SH3RF3: variants seen among roughly 807,000 people sequenced by gnomAD.
The protein encoded by SH3RF3 is SH3 domain containing ring finger 3.
In SH3RF3, 29 loss-of-function variants were observed where a neutral mutation model predicts 66.3. The ratio of observed to expected loss-of-function variants is 0.44; its 90% CI spans 0.33 to 0.60. The LOEUF (loss-of-function observed/expected upper bound fraction) is 0.60. Ranked by LOEUF, SH3RF3 falls within the 20% of genes least tolerant of loss-of-function variation. The probability of loss-of-function intolerance (pLI) is 0.04; values close to 1 mark genes in which losing one functional copy is unlikely to be tolerated. For synonymous variants in SH3RF3, 583 were observed against 532.0 expected (o/e 1.10, Z -1.32); for missense variants, 1,194 against 1,190.9 (o/e 1.00, Z -0.04).
intron 1 of SH3RF3, among the ~76,000 whole-genome samples, chr2:109,139,850 A>G (rs1240183105): frequency 6.6e-6 from 1 of 152,224 alleles, no homozygotes; most frequent in Non-Finnish European, 1.5e-5. Flanking sequence ...ATTGCTTGGC[A>G]GTTTGACATC....
intron 1 of SH3RF3, among the ~76,000 whole-genome samples, chr2:109,183,666 G>A (rs1426671990): frequency 6.6e-6 from 1 of 152,190 alleles, no homozygotes; most frequent in Non-Finnish European, 1.5e-5. Context: ...TTCTGAAAAT[G>A]TACAGTTCAT....
At chr2:109,358,129 C>G (rs6744875) in intron 2 of SH3RF3, among the ~76,000 whole-genome samples, 3 of 152,140 alleles carry the variant, frequency 2.0e-5, no homozygotes, top group Non-Finnish European at 4.4e-5. Context: ...GAACGTCATA[C>G]GGTTGAAATC....
chr2:109,244,598 A>G (rs1219539735), intron 1 of SH3RF3, among the ~76,000 whole-genome samples: 1 of 152,236 alleles, frequency 6.6e-6, no homozygotes, highest in Non-Finnish European at 1.5e-5. Context: ...ATAAGCTGGC[A>G]GGATGAGGAA....
chr2:109,196,272 C>T (rs900336219), intron 1 of SH3RF3, among the ~76,000 whole-genome samples: 12 of 152,326 alleles, frequency 7.9e-5, no homozygotes, highest in African/African-American at 2.6e-4. Flanking sequence ...CTCTCCTGGG[C>T]CCCTGGGCTG....
intron 1 of SH3RF3, among the ~76,000 whole-genome samples, chr2:109,249,179 G>C (rs1324620588): frequency 1.3e-5 from 2 of 151,980 alleles, no homozygotes; most frequent in Non-Finnish European, 1.5e-5. Flanking sequence ...ACCACACCTG[G>C]CCAAGAACTA....
chr2:109,366,150 A>G (rs187823247), intron 2 of SH3RF3, among the ~76,000 whole-genome samples: 2 of 152,346 alleles, frequency 1.3e-5, no homozygotes, highest in Non-Finnish European at 2.9e-5. Context: ...TTTGGCATAT[A>G]TATTTTCAAA....
intron 1 of SH3RF3, among the ~76,000 whole-genome samples, chr2:109,148,460 C>T (rs1343599179): frequency 2.0e-5 from 3 of 152,136 alleles, no homozygotes; most frequent in Non-Finnish European, 4.4e-5. Context: ...GTAGCTCAAA[C>T]TGTGTACAAA....
At chr2:109,461,146 A>G (rs1015664062) in intron 8 of SH3RF3, among the ~76,000 whole-genome samples, 1 of 152,162 alleles carries the variant, frequency 6.6e-6, no homozygotes, top group Non-Finnish European at 1.5e-5. Flanking sequence ...CTCTAACCCG[A>G]TCATGTGTCC....
chr2:109,292,291 A>G (rs1053402691), intron 1 of SH3RF3, among the ~76,000 whole-genome samples: 1 of 152,262 alleles, frequency 6.6e-6, no homozygotes, highest in African/African-American at 2.4e-5. Flanking sequence ...CCTTTTCAGA[A>G]TCCAGAGAGT....
intron 1 of SH3RF3, among the ~76,000 whole-genome samples, chr2:109,328,013 A>G (rs1007160558): frequency 6.6e-6 from 1 of 152,184 alleles, no homozygotes; most frequent in African/African-American, 2.4e-5. Flanking sequence ...CTTATTCCAT[A>G]TGTCCCTCCA....
At chr2:109,469,053 CAGGCA>C (rs1678435197) in intron 8 of SH3RF3, among the ~76,000 whole-genome samples, 1 of 151,704 alleles carries the variant, frequency 6.6e-6, no homozygotes, top group Admixed American at 6.6e-5. Context: ...GGAGCAGGGC[CAGGCA>C]TGTAAGCTGA....
chr2:109,167,071 T>C (rs558716843), intron 1 of SH3RF3, among the ~76,000 whole-genome samples: 1 of 152,340 alleles, frequency 6.6e-6, no homozygotes, highest in African/African-American at 2.4e-5. Context: ...GTCAGGCCAG[T>C]GGGAACCCAG....
intron 1 of SH3RF3, among the ~76,000 whole-genome samples, chr2:109,220,632 A>G (rs1239697986): frequency 1.3e-5 from 2 of 152,228 alleles, no homozygotes; most frequent in African/African-American, 4.8e-5. Flanking sequence ...CATTTTCCCA[A>G]AGATATACAA....
intron 1 of SH3RF3, among the ~76,000 whole-genome samples, chr2:109,156,690 G>C (rs544437043): frequency 6.6e-6 from 1 of 152,080 alleles, no homozygotes; most frequent in African/African-American, 2.4e-5. Flanking sequence ...AGGTGATCTC[G>C]CCTCGGCCTC....
At chr2:109,413,897 A>T (rs1430587068) in intron 4 of SH3RF3, among the ~76,000 whole-genome samples, 2 of 151,862 alleles carry the variant, frequency 1.3e-5, no homozygotes, top group Non-Finnish European at 2.9e-5. Flanking sequence ...AAGAGGTGTA[A>T]CTCCCCACCA....
intron 1 of SH3RF3, among the ~76,000 whole-genome samples, chr2:109,201,910 T>G (rs1678684824): frequency 6.6e-6 from 1 of 152,134 alleles, no homozygotes; most frequent in Admixed American, 6.5e-5. Context: ...ACATCTGAAA[T>G]CAATACAAGG....
chr2:109,454,983 G>T (rs1333672530), intron 8 of SH3RF3, among the ~76,000 whole-genome samples: 2 of 152,184 alleles, frequency 1.3e-5, no homozygotes, highest in East Asian at 3.9e-4. Context: ...GTGAGTAATA[G>T]AATATTGAAA....
intron 2 of SH3RF3, among the ~76,000 whole-genome samples, chr2:109,350,044 G>A (rs555584826): frequency 3.9e-5 from 6 of 152,366 alleles, no homozygotes; most frequent in Admixed American, 3.3e-4. Flanking sequence ...CTCACGAGCT[G>A]CATCGGATCA....
At chr2:109,311,691 G>T (rs1359073536) in intron 1 of SH3RF3, among the ~76,000 whole-genome samples, 1 of 152,200 alleles carries the variant, frequency 6.6e-6, no homozygotes, top group Non-Finnish European at 1.5e-5. Flanking sequence ...ATGCCTTTCT[G>T]ACTGATGTAC....
Sources: gnomAD v4.1 joint callset for allele counts (sites outside exome capture counted in the v4.1 genomes callset) on GRCh38, gnomAD v4.1.1 for gene constraint, MANE v1.5 for transcripts, NCBI Gene and HGNC (gene_info 2026-07-23, HGNC 2026-07-21) for gene names.